The following SMYD3 variants were observed in gnomAD, a reference collection of about 807,000 sequenced individuals.
SMYD3 encodes the protein histone-lysine N-methyltransferase SMYD3.
In SMYD3, 36 loss-of-function variants were observed where a neutral mutation model predicts 57.7. That is an observed-to-expected ratio of 0.62 (90% CI 0.48 to 0.82). The LOEUF (loss-of-function observed/expected upper bound fraction) is 0.82. Among genes scored for constraint, SMYD3 ranks in the 40% least tolerant of loss-of-function variants. The pLI, the probability that SMYD3 is intolerant of heterozygous loss-of-function variation, is 0.00. For synonymous variants in SMYD3, 211 were observed against 195.0 expected (o/e 1.08, Z -0.68); for missense variants, 515 against 538.8 (o/e 0.96, Z 0.44).
chr1:246,136,329 T>G (rs2061665001), intron 5 of SMYD3, among the ~76,000 whole-genome samples: 1 of 152,138 alleles, frequency 6.6e-6, no homozygotes, highest in African/African-American at 2.4e-5. Flanking sequence ...TCCAAAAGCA[T>G]AGGTCCATCA....
At chr1:246,060,737 A>G (rs953023607) in intron 5 of SMYD3, among the ~76,000 whole-genome samples, 2 of 152,148 alleles carry the variant, frequency 1.3e-5, no homozygotes, top group African/African-American at 4.8e-5. Flanking sequence ...TCCCATAAAG[A>G]AAGACATCCA....
At chr1:245,812,524 C>A (rs1010355493) in intron 10 of SMYD3, among the ~76,000 whole-genome samples, 8 of 152,100 alleles carry the variant, frequency 5.3e-5, no homozygotes, top group African/African-American at 1.9e-4. Context: ...TCCATTGTGA[C>A]CAACGTCACC....
chr1:246,502,184 G>A (rs1436542522), intron 1 of SMYD3, among the ~76,000 whole-genome samples: 2 of 150,248 alleles, frequency 1.3e-5, no homozygotes. Context: ...TGTCACCCAG[G>A]CTGGAGTGCA....
At chr1:246,241,281 ATTGAGAATTT>A (rs2063604235) in intron 5 of SMYD3, among the ~76,000 whole-genome samples, 1 of 152,182 alleles carries the variant, frequency 6.6e-6, no homozygotes, top group Non-Finnish European at 1.5e-5. Flanking sequence ...TGCCTAGTTT[ATTGAGAATTT>A]TTAGCATGAA....
rs551381792 is a variant in SMYD3, at chr1:246,086,275, G to A, written c.532-156338C>T. 6.8e-5 allele frequency among the ~76,000 whole-genome samples: 10 copies of A among 146,748 alleles called. No individual in the cohort carries two copies. The South Asian group carries it at 1.6e-3, about 24-fold the overall frequency. On this transcript the variant is annotated intron_variant, in intron 5 of 11. Transcript: ENST00000490107. ...ACTGCTACTAGGTTAGCTGAATTCCGAAGCTAACGCACTGTTTCACCTGCT... is the reference window on the plus strand; with the variant it reads ...ACTGCTACTAGGTTAGCTGAATTCCAAAGCTAACGCACTGTTTCACCTGCT...
chr1:246,420,696 T>G (rs1243833251), intron 1 of SMYD3, among the ~76,000 whole-genome samples: 1 of 152,148 alleles, frequency 6.6e-6, no homozygotes, highest in Non-Finnish European at 1.5e-5. Context: ...TGCCCACTAA[T>G]AAAAACCTTT....
intron 5 of SMYD3, among the ~76,000 whole-genome samples, chr1:246,216,284 T>A (rs1000130529): frequency 3.2e-5 from 3 of 93,896 alleles, no homozygotes; most frequent in African/African-American, 1.3e-4. Context: ...AAGACTCCAT[T>A]TCAAAAAAAA....
At chr1:246,429,605 C>T (rs988885169) in intron 1 of SMYD3, among the ~76,000 whole-genome samples, 2 of 152,216 alleles carry the variant, frequency 1.3e-5, no homozygotes, top group African/African-American at 2.4e-5. Flanking sequence ...CAGCAATCAA[C>T]CCTGCTGTGT....
At chr1:246,103,901 AT>A (rs1457480988) in intron 5 of SMYD3, among the ~76,000 whole-genome samples, 1 of 152,080 alleles carries the variant, frequency 6.6e-6, no homozygotes, top group East Asian at 1.9e-4. Context: ...CTTTGACTTT[AT>A]CCCTCTGTCA....
At chr1:246,163,969 A>G (rs1441908882) in intron 5 of SMYD3, among the ~76,000 whole-genome samples, 2 of 152,160 alleles carry the variant, frequency 1.3e-5, no homozygotes, top group African/African-American at 4.8e-5. Flanking sequence ...ATCTTAATAA[A>G]AGGAATATTC....
At chr1:246,401,312 C>G (rs1364853431) in intron 1 of SMYD3, among the ~76,000 whole-genome samples, 2 of 152,090 alleles carry the variant, frequency 1.3e-5, no homozygotes, top group African/African-American at 2.4e-5. Context: ...GCCTGGGCAA[C>G]ACAGCAAGAC....
At chr1:246,431,448 G>A (rs2067295252) in intron 1 of SMYD3, among the ~76,000 whole-genome samples, 1 of 152,138 alleles carries the variant, frequency 6.6e-6, no homozygotes, top group South Asian at 2.1e-4. Context: ...AGCAACTTTA[G>A]GCCAGGTGAG....
At chr1:246,310,140 TATA>T (rs1233883636) in intron 5 of SMYD3, among the ~76,000 whole-genome samples, 1 of 152,362 alleles carries the variant, frequency 6.6e-6, no homozygotes, top group East Asian at 1.9e-4. Context: ...ATCATTTTGC[TATA>T]AAGATAATTA....
At chr1:245,872,941 C>T (rs1203660418) in intron 8 of SMYD3, among the ~76,000 whole-genome samples, 2 of 152,202 alleles carry the variant, frequency 1.3e-5, no homozygotes, top group Non-Finnish European at 2.9e-5. Context: ...ACCTCCCCTC[C>T]CTCTGTGTGG....
chr1:246,250,839 A>G (rs920015503), intron 5 of SMYD3, among the ~76,000 whole-genome samples: 6 of 152,202 alleles, frequency 3.9e-5, no homozygotes, highest in African/African-American at 1.4e-4. Context: ...GTAAACCTGA[A>G]AGCCCACTAT....
At chr1:246,115,222 G>A (rs1160676768) in intron 5 of SMYD3, among the ~76,000 whole-genome samples, 1 of 152,212 alleles carries the variant, frequency 6.6e-6, no homozygotes, top group Non-Finnish European at 1.5e-5. Context: ...ACTGCCTGAA[G>A]CTGGGACAGG....
chr1:246,049,526 C>G (rs1160726837), intron 5 of SMYD3, among the ~76,000 whole-genome samples: 1 of 151,362 alleles, frequency 6.6e-6, no homozygotes. Context: ...AGGATGATCT[C>G]GATCTCCTGA....
chr1:246,445,692 A>C (rs1357001227), intron 1 of SMYD3, among the ~76,000 whole-genome samples: 1 of 152,176 alleles, frequency 6.6e-6, no homozygotes, highest in African/African-American at 2.4e-5. Context: ...GAGATTAGGA[A>C]TTTAATTTGT....
At chr1:246,114,112 T>C (rs1337807645) in intron 5 of SMYD3, among the ~76,000 whole-genome samples, 1 of 150,508 alleles carries the variant, frequency 6.6e-6, no homozygotes, top group Non-Finnish European at 1.5e-5. Flanking sequence ...AGAAAAGCAC[T>C]AATTTCAGAT....
Sources: allele counts gnomAD v4.1 joint callset (sites outside exome capture counted in the v4.1 genomes callset), GRCh38; gene constraint gnomAD v4.1.1; transcripts MANE v1.5; gene names NCBI Gene and HGNC (gene_info 2026-07-23, HGNC 2026-07-21).